The following C4orf51 variants were observed in gnomAD, a reference collection of about 807,000 sequenced individuals.
The protein encoded by C4orf51 is uncharacterized protein C4orf51.
In C4orf51, 25 loss-of-function variants were observed where a neutral mutation model predicts 25.2. That is an observed-to-expected ratio of 0.99 (90% CI 0.72 to 1.39). The LOEUF is 1.39. C4orf51 is among the 40% of genes most tolerant of loss of function. The pLI, the probability that C4orf51 is intolerant of heterozygous loss-of-function variation, is 0.00. For missense variants in C4orf51, 252 were observed against 239.6 expected, an observed-to-expected ratio of 1.05 and a Z score of -0.34; for synonymous variants, 100 against 84.5, an observed-to-expected ratio of 1.18 and a Z score of -1.01.
intron 1 of C4orf51, among the ~76,000 whole-genome samples, chr4:145,749,148 G>A (rs895143545): frequency 6.7e-6 from 1 of 150,342 alleles, no homozygotes; most frequent in Non-Finnish European, 1.5e-5. Context: ...ATTATATAGT[G>A]ACCCTCTTTG....
At chr4:145,715,229 A>C (rs770183836) in intron 2 of C4orf51, among the ~76,000 whole-genome samples, 5 of 152,144 alleles carry the variant, frequency 3.3e-5, no homozygotes, top group Non-Finnish European at 7.4e-5. Flanking sequence ...GGACTCCCTG[A>C]AGCAGTAATT....
At position 145,732,446 on chromosome 4, in the gene C4orf51, T is replaced by C. The variant is rs1340451108; in HGVS notation, c.502-7T>C. ...CGAGTGTTGACAACCAGGCCATTTT[T>C]CTCCAGCTTCATGGACGGTGCGATT... On this transcript the variant is annotated splice_polypyrimidine_tract_variant and splice_region_variant and intron_variant, in intron 5 of 5. Coordinates refer to ENST00000438731, the MANE Select transcript of C4orf51 (RefSeq NM_001080531.3). 10 of 1,601,150 alleles carry C rather than the reference T, an allele frequency of 6.2e-6. No individual in the cohort carries two copies. The highest frequency in any genetic ancestry group is 6.8e-6 in the Non-Finnish European group (8 of 1,171,924).
At chr4:145,736,547 CCTTCT>C (rs1182947403), downstream of C4orf51, among the ~76,000 whole-genome samples, 1 of 152,084 alleles carries the variant, frequency 6.6e-6, no homozygotes, top group Non-Finnish European at 1.5e-5. Context: ...GCAGGGAGGG[CCTTCT>C]CTGGCTTCCT....
chr4:145,753,530 C>T (rs987170885), intron 1 of C4orf51, among the ~76,000 whole-genome samples: 2 of 152,066 alleles, frequency 1.3e-5, no homozygotes, highest in Non-Finnish European at 1.5e-5. Context: ...TTTTAATTTT[C>T]AATTATCTGT....
intron 1 of C4orf51, among the ~76,000 whole-genome samples, chr4:145,695,108 TG>T (rs567720075): frequency 2.9e-4 from 44 of 152,308 alleles, no homozygotes; most frequent in Non-Finnish European, 5.1e-4. Context: ...TACCCAGTAA[TG>T]GGATCACTGG....
downstream of C4orf51, among the ~76,000 whole-genome samples, chr4:145,755,137 A>G (rs1197805005): frequency 6.6e-6 from 1 of 152,162 alleles, no homozygotes; most frequent in Non-Finnish European, 1.5e-5. Context: ...TGTTTACAAC[A>G]AGTTGTAGAA....
chr4:145,715,031 G>A (rs926447437), intron 2 of C4orf51, among the ~76,000 whole-genome samples: 9 of 152,182 alleles, frequency 5.9e-5, no homozygotes, highest in African/African-American at 2.2e-4. Context: ...CCAGTCTCAT[G>A]GAGTTGGGTG....
downstream of C4orf51, among the ~76,000 whole-genome samples, chr4:145,774,169 G>A (rs1001544155): frequency 1.3e-5 from 2 of 152,188 alleles, no homozygotes; most frequent in Non-Finnish European, 2.9e-5. Flanking sequence ...GGGCTTAAAT[G>A]AGAGCCAGTG....
At chr4:145,693,306 C>G (rs1167018675) in intron 1 of C4orf51, among the ~76,000 whole-genome samples, 1 of 150,988 alleles carries the variant, frequency 6.6e-6, no homozygotes, top group East Asian at 2.0e-4. Context: ...CCATTTAACC[C>G]TGAGTGGACA....
intron 2 of C4orf51, among the ~76,000 whole-genome samples, chr4:145,716,136 A>G (rs1731398209): frequency 6.6e-6 from 1 of 152,200 alleles, no homozygotes; most frequent in Non-Finnish European, 1.5e-5. Context: ...TAGGGGGTTG[A>G]TAGATAAACT....
At chr4:145,692,180 A>G (rs1366761363) in intron 1 of C4orf51, among the ~76,000 whole-genome samples, 1 of 152,246 alleles carries the variant, frequency 6.6e-6, no homozygotes, top group Non-Finnish European at 1.5e-5. Flanking sequence ...ATGTAGAATA[A>G]GTACTATTCA....
intron 2 of C4orf51, among the ~76,000 whole-genome samples, chr4:145,713,631 G>A (rs1262637228): frequency 6.6e-6 from 1 of 152,198 alleles, no homozygotes; most frequent in Non-Finnish European, 1.5e-5. Flanking sequence ...TCTACTCCTG[G>A]TGAAGATGCC....
intron 5 of C4orf51, among the ~76,000 whole-genome samples, chr4:145,731,457 C>T (rs1422532515): frequency 6.6e-6 from 1 of 151,456 alleles, no homozygotes; most frequent in African/African-American, 2.4e-5. Context: ...CAGGTGCACA[C>T]ACACACACCA....
intron 2 of C4orf51, among the ~76,000 whole-genome samples, chr4:145,720,216 TG>T (rs1163774604): frequency 6.6e-6 from 1 of 152,128 alleles, no homozygotes; most frequent in East Asian, 1.9e-4. Context: ...AAAGGAGCAA[TG>T]GGCACCTCCC....
At chr4:145,700,889 G>A (rs1195640433) in intron 2 of C4orf51, among the ~76,000 whole-genome samples, 2 of 152,094 alleles carry the variant, frequency 1.3e-5, no homozygotes, top group East Asian at 1.9e-4. Flanking sequence ...TCCAGCTTAC[G>A]GTTTAATTCC....
the C4orf51 span, among the ~76,000 whole-genome samples, chr4:145,784,885 C>T: frequency 6.6e-6 from 1 of 152,094 alleles, no homozygotes; most frequent in Non-Finnish European, 1.5e-5. Context: ...AGGATTTTGT[C>T]TCTTATAAAG....
Position 145,716,354 on chromosome 4 carries a change from C to T in C4orf51, c.308-10557C>T, listed in dbSNP as rs181178601. On this transcript the variant is annotated intron_variant, in intron 2 of 5. Coordinates refer to ENST00000438731, the MANE Select transcript of C4orf51 (RefSeq NM_001080531.3). ...GGGAGGGGAGACACACGTGCTCTTT[C>T]TCCACTTCAGCCTGGAAGTGACTTG... Among the ~76,000 whole-genome samples the T allele has an allele frequency of 7.0e-4, 107 of 152,248 alleles. 3 individuals are homozygous for T. The highest frequency in any genetic ancestry group is 7.0e-3 in the Admixed American group (107 of 15,300).
chr4:145,734,394 A>G (rs538684886), downstream of C4orf51, among the ~76,000 whole-genome samples: 1 of 145,956 alleles, frequency 6.9e-6, no homozygotes, highest in South Asian at 2.3e-4. Context: ...TGAGTACAGT[A>G]CTGCGGCCTA....
chr4:145,710,550 A>ACTC (rs1336043989), intron 2 of C4orf51, among the ~76,000 whole-genome samples: 1 of 152,116 alleles, frequency 6.6e-6, no homozygotes, highest in Admixed American at 6.5e-5. Flanking sequence ...TACCAGTCAA[A>ACTC]TGTCCCTAGA....
Sources: allele counts gnomAD v4.1 joint callset (sites outside exome capture counted in the v4.1 genomes callset), GRCh38; gene constraint gnomAD v4.1.1; transcripts MANE v1.5; gene names NCBI Gene and HGNC (gene_info 2026-07-23, HGNC 2026-07-21).